The following MEF2C variants were observed in gnomAD, a reference collection of about 807,000 sequenced individuals.
MEF2C encodes the protein myocyte-specific enhancer factor 2C.
In MEF2C, 6 loss-of-function variants were observed where a neutral mutation model predicts 50.5. That is an observed-to-expected ratio of 0.12 (90% CI 0.07 to 0.23). The LOEUF is 0.23. Ranked by LOEUF, MEF2C falls within the 10% of genes least tolerant of loss-of-function variation. The pLI is 1.00. For synonymous variants in MEF2C, 183 were observed against 228.0 expected (o/e 0.80, Z 1.78); for missense variants, 276 against 605.0 (o/e 0.46, Z 5.70).
chr5:88,823,343 T>C (rs538036805), intron 2 of MEF2C, among the ~76,000 whole-genome samples: 1 of 152,072 alleles, frequency 6.6e-6, no homozygotes, highest in African/African-American at 2.4e-5. Context: ...TTATCCTATA[T>C]TATAAACCTT....
intron 1 of MEF2C, among the ~76,000 whole-genome samples, chr5:88,869,027 G>A (rs1828308056): frequency 6.6e-6 from 1 of 151,580 alleles, no homozygotes; most frequent in South Asian, 2.1e-4. Flanking sequence ...GCACATGATA[G>A]AACTCTAGAA....
chr5:88,793,809 G>A (rs531282263), intron 3 of MEF2C, among the ~76,000 whole-genome samples: 3 of 146,828 alleles, frequency 2.0e-5, no homozygotes, highest in Non-Finnish European at 3.0e-5. Flanking sequence ...CCCACCCCAC[G>A]ACAGGCCCTG....
intron 1 of MEF2C, among the ~76,000 whole-genome samples, chr5:88,900,333 A>T (rs578116149): frequency 2.0e-5 from 3 of 151,874 alleles, no homozygotes; most frequent in African/African-American, 7.2e-5. Context: ...TATGAACTAT[A>T]TAATGTATTA....
chr5:88,764,807 CAAAAAAA>C (rs869119169), intron 3 of MEF2C, among the ~76,000 whole-genome samples: 2 of 73,846 alleles, frequency 2.7e-5, no homozygotes, highest in African/African-American at 1.2e-4. Context: ...GACTCCATCT[CAAAAAAA>C]AAAAAAAAAA....
intron 2 of MEF2C, among the ~76,000 whole-genome samples, chr5:88,807,259 C>T (rs551075493): frequency 2.0e-5 from 3 of 152,040 alleles, no homozygotes; most frequent in Non-Finnish European, 2.9e-5. Context: ...AGGGTCTCCC[C>T]GTCTCCTAGG....
chr5:88,812,882 T>C (rs1470734672), intron 2 of MEF2C, among the ~76,000 whole-genome samples: 1 of 152,144 alleles, frequency 6.6e-6, no homozygotes, highest in African/African-American at 2.4e-5. Context: ...TTCAGCTCAA[T>C]ATGGACCCAG....
chr5:88,773,244 C>A (rs1438517450), intron 3 of MEF2C, among the ~76,000 whole-genome samples: 1 of 152,182 alleles, frequency 6.6e-6, no homozygotes, highest in Non-Finnish European at 1.5e-5. Context: ...AAGGCTGTAG[C>A]AACAGAAGTT....
intron 1 of MEF2C, among the ~76,000 whole-genome samples, chr5:88,871,419 T>C (rs898944622): frequency 6.6e-6 from 1 of 151,990 alleles, no homozygotes. Context: ...GAGCTGTCCA[T>C]GCTGTTTTAC....
intron 1 of MEF2C, among the ~76,000 whole-genome samples, chr5:88,902,829 T>C (rs1835804897): frequency 6.6e-6 from 1 of 151,482 alleles, no homozygotes; most frequent in Non-Finnish European, 1.5e-5. Context: ...TAATAATTTA[T>C]AGCATTCTTC....
intron 3 of MEF2C, chr5:88,772,697 A>G: frequency 2.0e-6 from 2 of 979,682 alleles, no homozygotes; most frequent in Non-Finnish European, 2.4e-6. Flanking sequence ...GTGACATTCA[A>G]ATCTTTTTAA....
intron 3 of MEF2C, among the ~76,000 whole-genome samples, chr5:88,788,407 A>T (rs1483459608): frequency 6.7e-6 from 1 of 150,332 alleles, no homozygotes; most frequent in Non-Finnish European, 1.5e-5. Flanking sequence ...ATGAGGTTTC[A>T]CCATGTAGGC....
At chr5:88,773,608 A>G (rs181422004) in intron 3 of MEF2C, among the ~76,000 whole-genome samples, 129 of 152,328 alleles carry the variant, frequency 8.5e-4, no homozygotes, top group African/African-American at 3.0e-3. Context: ...AGGATATCTG[A>G]CAGTAGAATG....
chr5:88,894,676 C>G (rs905230779), intron 1 of MEF2C, among the ~76,000 whole-genome samples: 8 of 152,222 alleles, frequency 5.3e-5, no homozygotes, highest in Admixed American at 3.3e-4. Flanking sequence ...CATAAATTGA[C>G]ACTAATTGAA....
chr5:88,849,181 C>T (rs923589131), intron 1 of MEF2C, among the ~76,000 whole-genome samples: 7 of 150,290 alleles, frequency 4.7e-5, no homozygotes, highest in Non-Finnish European at 1.0e-4. Context: ...ATTCTTGTGC[C>T]AAATACTTTA....
intron 1 of MEF2C, among the ~76,000 whole-genome samples, chr5:88,843,792 T>C (rs1818293025): frequency 6.6e-6 from 1 of 151,286 alleles, no homozygotes; most frequent in Admixed American, 6.7e-5. Context: ...TTTGATTGTT[T>C]GTTCCTGTGA....
At chr5:88,781,855 C>T (rs1788233923) in intron 3 of MEF2C, among the ~76,000 whole-genome samples, 1 of 152,112 alleles carries the variant, frequency 6.6e-6, no homozygotes, top group South Asian at 2.1e-4. Context: ...TGCCTGTAGT[C>T]CCAGCTACTC....
At chr5:88,884,660 A>G (rs1209790534), upstream of MEF2C, 1 of 145,540 alleles carries the variant, frequency 6.9e-6, no homozygotes, top group African/African-American at 2.6e-5. Context: ...CCAACTTCCC[A>G]AATGCATTAG....
At position 88,759,082 on chromosome 5, in the gene MEF2C, A is replaced by T. The variant is rs553170330; in HGVS notation, c.402+2103T>A. 9.2e-5 allele frequency among the ~76,000 whole-genome samples: 14 copies of T among 152,350 alleles called. No individual in the cohort carries two copies. In the South Asian group the frequency reaches 2.9e-3, roughly 32 times the overall value. On this transcript the variant is annotated intron_variant, in intron 4 of 10. Coordinates refer to ENST00000504921, the MANE Select transcript of MEF2C (RefSeq NM_002397.5). ...GCAGGGGATTCTTACTATCTGACAC[A>T]CCTAAGGTACTCCGCCTTAACATCC...
At chr5:88,871,700 TACTC>T (rs1829566528) in intron 1 of MEF2C, among the ~76,000 whole-genome samples, 1 of 152,044 alleles carries the variant, frequency 6.6e-6, no homozygotes, top group African/African-American at 2.4e-5. Flanking sequence ...ACACCAGTAA[TACTC>T]ACATTTTTAA....
Sources: gnomAD v4.1 joint callset for allele counts (sites outside exome capture counted in the v4.1 genomes callset) on GRCh38, gnomAD v4.1.1 for gene constraint, MANE v1.5 for transcripts, NCBI Gene and HGNC (gene_info 2026-07-23, HGNC 2026-07-21) for gene names.